Variants in ZNF274 observed in about 807,000 individuals in gnomAD.
The protein encoded by ZNF274 is neurotrophin receptor-interacting factor homolog.
A neutral mutation model predicts 42.5 loss-of-function variants in ZNF274; 23 were observed. That is an observed-to-expected ratio of 0.54 (90% CI 0.39 to 0.77). ZNF274 has a LOEUF of 0.77. Ranked by LOEUF, ZNF274 falls within the 30% of genes least tolerant of loss-of-function variation. The pLI is 0.00. For missense variants in ZNF274, 679 were observed against 806.5 expected, an observed-to-expected ratio of 0.84 and a Z score of 1.91; for synonymous variants, 292 against 305.4, an observed-to-expected ratio of 0.96 and a Z score of 0.46.
Position 58,210,004 on chromosome 19 carries a change from C to G in ZNF274, c.783C>G (p.Leu261=), listed in dbSNP as rs746001144. Residue 261 remains leucine (L), a synonymous_variant, in exon 6 of 8, where the codon CTC becomes CTG. Transcript: ENST00000617501. Reference sequence around the variant, plus strand: ...CTGCCGAGGGCACCACCTGCTGCCTCGAGGTCACTGCCCAGCAGGAGGAGA... The same window carrying G: ...CTGCCGAGGGCACCACCTGCTGCCTGGAGGTCACTGCCCAGCAGGAGGAGA... ...GQPAEGTTCC[L]EVTAQQEEKQ... 1.2e-6 allele frequency: 2 copies of G among 1,613,618 alleles called. No individual in the cohort carries two copies. The highest frequency in any genetic ancestry group is 1.7e-6 in the Non-Finnish European group (2 of 1,179,812).
chr19:58,202,812 A>AT (rs1184183624), intron 4 of ZNF274, among the ~76,000 whole-genome samples: 12 of 152,198 alleles, frequency 7.9e-5, no homozygotes, highest in South Asian at 2.1e-4. Context: ...GGTGCACAGA[A>AT]TGAGTCCATC....
At chr19:58,196,716 AG>A (rs2075847040) in intron 4 of ZNF274, among the ~76,000 whole-genome samples, 1 of 152,234 alleles carries the variant, frequency 6.6e-6, no homozygotes, top group Non-Finnish European at 1.5e-5. Flanking sequence ...CATAGGCTAT[AG>A]AGTGATCAAC....
chr19:58,192,868 G>A (rs1457064520), intron 4 of ZNF274, among the ~76,000 whole-genome samples: 2 of 151,920 alleles, frequency 1.3e-5, no homozygotes, highest in Non-Finnish European at 2.9e-5. Context: ...CCTCAGCTTC[G>A]TGAGTAGCTT....
Position 58,213,215 on chromosome 19 carries a change from T to G in ZNF274, c.*72T>G. The G allele has an allele frequency of 6.6e-7, 1 of 1,519,710 alleles. No homozygotes were observed. The highest frequency in any genetic ancestry group is 8.8e-7 in the Non-Finnish European group (1 of 1,137,178). 94.1% of individuals were successfully genotyped at this position (1,519,710 alleles called of 1,614,324 possible). ...AATATAACATGCACAGGCCTGCTTG[T>G]GAATCAGGACTGAATGTGAAAGGGA... On this transcript the variant is annotated 3_prime_UTR_variant, in exon 8 of 8. Coordinates refer to ENST00000617501, the MANE Select transcript of ZNF274 (RefSeq NM_133502.3).
At chr19:58,196,249 C>G (rs2075840669) in intron 4 of ZNF274, among the ~76,000 whole-genome samples, 2 of 152,156 alleles carry the variant, frequency 1.3e-5, no homozygotes, top group African/African-American at 2.4e-5. Context: ...GGGCATTTTA[C>G]ATTTTTTACT....
chr19:58,212,368 A>G lies in ZNF274; in HGVS notation c.1187A>G (p.Gln396Arg). 6.2e-7 allele frequency: 1 copy of G among 1,614,008 alleles called. No individual in the cohort carries two copies. The highest frequency in any genetic ancestry group is 8.5e-7 in the Non-Finnish European group (1 of 1,179,878). The stretch of plus-strand genomic sequence containing the variant: ...TCTGCTCAGGAAAAAGACCTTCCTC[A>G]GAAGAAGCACTTTGACAACCGTGAG... ...MESAQEKDLP[Q>R]KKHFDNRESQ... is the part of the protein sequence containing the mutation. Residue 396 changes from glutamine to arginine, a missense_variant, in exon 8 of 8, where the codon CAG becomes CGG. By Grantham distance (43) the Gln-to-Arg change is conservative. Coordinates refer to ENST00000617501, the MANE Select transcript of ZNF274 (RefSeq NM_133502.3). The surrounding 1 kb of genome is among the most constrained non-coding windows in gnomAD (Gnocchi z 4.6).
Position 58,211,030 on chromosome 19 carries a change from T to G in ZNF274, c.853-530T>G, listed in dbSNP as rs937022972. 1 of 152,368 alleles carries G rather than the reference T, an allele frequency of 6.6e-6. No homozygotes were observed. Among genetic ancestry groups the G allele is most frequent in the Non-Finnish European group, 1.5e-5 (1 of 68,244 alleles). The allele number at this position is 152,368 out of a possible 1,614,324, so 9.4% of individuals were successfully genotyped here. A position where few individuals can be genotyped will look rare whatever the true frequency, so the allele number is the denominator to read the frequency against. On this transcript the variant is annotated intron_variant, in intron 6 of 7. Coordinates refer to ENST00000617501, the MANE Select transcript of ZNF274 (RefSeq NM_133502.3). The surrounding 1 kb of genome is among the most constrained non-coding windows in gnomAD (Gnocchi z 4.8). ...TGCGCGTGGCCACTCCCCTTTCTTCTTAGGCAGATTCTGCCCCATGTAAGC... is the reference window on the plus strand; with the variant it reads ...TGCGCGTGGCCACTCCCCTTTCTTCGTAGGCAGATTCTGCCCCATGTAAGC...
At chr19:58,206,611 G>T (rs2075980719) in intron 4 of ZNF274, 109 bp from the exon 5 acceptor site, 17 of 1,311,954 alleles carry the variant, frequency 1.3e-5, no homozygotes, top group Non-Finnish European at 1.7e-5. Context: ...TAGTGGGTTT[G>T]AAGCATATTC....
At chr19:58,205,635 A>T (rs2075971572) in intron 4 of ZNF274, among the ~76,000 whole-genome samples, 1 of 152,146 alleles carries the variant, frequency 6.6e-6, no homozygotes, top group Non-Finnish European at 1.5e-5. Flanking sequence ...CCGCTGGCCA[A>T]ATTATTTAGA....
intron 4 of ZNF274, among the ~76,000 whole-genome samples, chr19:58,188,526 G>A (rs2146195157): frequency 6.7e-6 from 1 of 149,224 alleles, no homozygotes; most frequent in African/African-American, 2.5e-5. Flanking sequence ...GCTGAGGCAG[G>A]AGAATTGCTT....
rs1296007288 is a variant in ZNF274 at position 58,207,849 on chromosome 19, G to T, written c.739+647G>T. ...CAAAGCAAAATGTTCTTCTAAAACAGTAGGGCTCGATCCCTGAGTTCCAGA... is the reference window on the plus strand; with the variant it reads ...CAAAGCAAAATGTTCTTCTAAAACATTAGGGCTCGATCCCTGAGTTCCAGA... On this transcript the variant is annotated intron_variant, in intron 5 of 7. Coordinates refer to ENST00000617501, the MANE Select transcript of ZNF274 (RefSeq NM_133502.3). This position sits in a 1 kb window ranked among gnomAD's most constrained non-coding sequence, Gnocchi z 5.6. Among the ~76,000 whole-genome samples, 1 of 152,246 alleles carries T rather than the reference G, an allele frequency of 6.6e-6. No homozygotes were observed. The highest frequency in any genetic ancestry group is 1.5e-5 in the Non-Finnish European group (1 of 68,048).
In ZNF274 at chr19:58,209,942, G is replaced by A. The variant is rs755519977; in HGVS notation, c.740-19G>A. 3.8e-6 allele frequency: 6 copies of A among 1,598,794 alleles called. No individual in the cohort carries two copies. The highest frequency in any genetic ancestry group is 5.1e-6 in the Non-Finnish European group (6 of 1,171,064). The stretch of plus-strand genomic sequence containing the variant: ...GTCCCCACACCTGCTGACCTCCTCT[G>A]GCTGGTGTCTCCTCCCAGTACTTCC... On this transcript the variant is annotated intron_variant, in intron 5 of 7. Coordinates refer to ENST00000617501, the MANE Select transcript of ZNF274 (RefSeq NM_133502.3).
intron 4 of ZNF274, among the ~76,000 whole-genome samples, chr19:58,193,446 T>A (rs1340257180): frequency 8.6e-5 from 1 of 11,690 alleles, no homozygotes; most frequent in Non-Finnish European, 1.7e-4. Flanking sequence ...GCGCCTGGCC[T>A]TTTTTTTTTT....
intron 2 of ZNF274, 50 bp downstream of exon 2, chr19:58,184,048 G>C (rs1365400767): frequency 1.9e-6 from 3 of 1,561,918 alleles, no homozygotes; most frequent in Non-Finnish European, 1.7e-6. Context: ...CACCTGGGAG[G>C]ATGCGGATGG....
At chr19:58,202,910 CTG>C (rs776461182) in intron 4 of ZNF274, among the ~76,000 whole-genome samples, 10 of 152,036 alleles carry the variant, frequency 6.6e-5, no homozygotes, top group Non-Finnish European at 1.2e-4. Context: ...TTTATGATAA[CTG>C]TGTACAGAAC....
At chr19:58,188,940 C>A (rs1328225701) in intron 4 of ZNF274, among the ~76,000 whole-genome samples, 1 of 150,436 alleles carries the variant, frequency 6.6e-6, no homozygotes, top group African/African-American at 2.4e-5. Context: ...AAGTAAATGA[C>A]AACTCTTTTT....
At chr19:58,203,328 A>T (rs1324316085) in intron 4 of ZNF274, among the ~76,000 whole-genome samples, 1 of 152,190 alleles carries the variant, frequency 6.6e-6, no homozygotes, top group African/African-American at 2.4e-5. Flanking sequence ...TCACACCTGT[A>T]ATCCCAGCAC....
intron 3 of ZNF274, among the ~76,000 whole-genome samples, chr19:58,186,329 ATCAGT>A (rs1027256801): frequency 6.6e-6 from 1 of 151,984 alleles, no homozygotes; most frequent in African/African-American, 2.4e-5. Flanking sequence ...AGGCAGGCAG[ATCAGT>A]TGAGGTCAGG....
At chr19:58,185,611 G>A in intron 2 of ZNF274, 101 bp from the exon 3 acceptor site, 1 of 1,303,316 alleles carries the variant, frequency 7.7e-7, no homozygotes, top group Non-Finnish European at 1.0e-6. Context: ...GGGTCATCTT[G>A]TAGACCATTC....
Sources: allele counts gnomAD v4.1 joint callset (sites outside exome capture counted in the v4.1 genomes callset), GRCh38; gene constraint gnomAD v4.1.1; non-coding constraint Gnocchi (gnomAD v3.1); transcripts MANE v1.5; gene names NCBI Gene and HGNC (gene_info 2026-07-23, HGNC 2026-07-21).